The following P3H2 variants were observed in gnomAD, a reference collection of about 807,000 sequenced individuals.
The protein encoded by P3H2 is prolyl 3-hydroxylase 2, also known as leprecan-like 1.
P3H2 carries 80 observed loss-of-function variants against 87.0 expected under a neutral mutation model. That is an observed-to-expected ratio of 0.92 (90% CI 0.77 to 1.11). P3H2 has a LOEUF of 1.11. Ranked by LOEUF, P3H2 falls within the 50% of genes least tolerant of loss-of-function variation. The pLI, the probability that P3H2 is intolerant of heterozygous loss-of-function variation, is 0.00. For missense variants in P3H2, 1,001 were observed against 923.9 expected, an observed-to-expected ratio of 1.08 and a Z score of -1.08; for synonymous variants, 367 against 359.3, an observed-to-expected ratio of 1.02 and a Z score of -0.24.
Position 189,956,963 on chromosome 3 carries a change from C to T in P3H2, c.*949G>A. ...TATTCAAGAGTTTCTTCCAAAGTCA[C>T]CAGGGTGAAAAGCCATTCTACTACA... On this transcript the variant is annotated 3_prime_UTR_variant, in exon 15 of 15. Coordinates refer to ENST00000319332, the MANE Select transcript of P3H2 (RefSeq NM_018192.4). 2.5e-6 allele frequency: 1 copy of T among 396,726 alleles called. No homozygotes were observed. Among genetic ancestry groups the T allele is most frequent in the East Asian group, 3.6e-5 (1 of 28,002 alleles). 24.6% of individuals were successfully genotyped at this position (396,726 alleles called of 1,614,324 possible). A position where few individuals can be genotyped will look rare whatever the true frequency, so the allele number is the denominator to read the frequency against.
intron 3 of P3H2, among the ~76,000 whole-genome samples, chr3:189,992,239 C>A (rs530954260): frequency 6.6e-6 from 1 of 152,038 alleles, no homozygotes; most frequent in Non-Finnish European, 1.5e-5. Context: ...GGATTACAGG[C>A]ACCCACCACC....
chr3:190,097,063 G>C (rs1319172316), intron 1 of P3H2, among the ~76,000 whole-genome samples: 2 of 152,156 alleles, frequency 1.3e-5, no homozygotes, highest in Non-Finnish European at 2.9e-5. Context: ...GAATGGACAA[G>C]CCATTAAACC....
At chr3:189,975,933 A>G (rs1379174401) in intron 8 of P3H2, among the ~76,000 whole-genome samples, 3 of 152,242 alleles carry the variant, frequency 2.0e-5, no homozygotes, top group Admixed American at 2.0e-4. Context: ...TTTTACTTCT[A>G]TATATGCAAT....
At chr3:190,071,604 CAT>C (rs1726699819) in intron 1 of P3H2, among the ~76,000 whole-genome samples, 1 of 152,168 alleles carries the variant, frequency 6.6e-6, no homozygotes, top group Admixed American at 6.5e-5. Flanking sequence ...GAGGAAAGAT[CAT>C]AGTCACCAAC....
Position 190,020,203 on chromosome 3 carries a change from A to G in P3H2, c.481-24761T>C, listed in dbSNP as rs929599174. ...AGGTTTCTGGCAAAACAGAGACTGT[A>G]GGTTTCAGGAAACCTACACCAGGTA... is the stretch of plus-strand genomic sequence containing the variant. On this transcript the variant is annotated intron_variant, in intron 1 of 14. Transcript: ENST00000319332. Among the ~76,000 whole-genome samples, 7 of 134,240 alleles carry G rather than the reference A, an allele frequency of 5.2e-5. 2 individuals carry two copies. The highest frequency in any genetic ancestry group is 1.5e-4 in the African/African-American group (6 of 38,782). The allele number at this position is 134,240 out of a possible 152,430, so 88.1% of individuals were successfully genotyped here.
At chr3:190,087,719 T>C (rs1727275452) in intron 1 of P3H2, among the ~76,000 whole-genome samples, 1 of 152,096 alleles carries the variant, frequency 6.6e-6, no homozygotes, top group Non-Finnish European at 1.5e-5. Flanking sequence ...TGGGTTTTTG[T>C]TAGTTTTGTT....
chr3:190,116,741 T>A (rs1001133193), intron 1 of P3H2: 1 of 152,180 alleles, frequency 6.6e-6, no homozygotes, highest in Admixed American at 6.5e-5. Context: ...AGCTATATAT[T>A]ACGTCTTAGG....
chr3:189,982,926 G>A (rs1159499221), intron 8 of P3H2, 120 bp downstream of exon 8: 1 of 785,366 alleles, frequency 1.3e-6, no homozygotes, highest in East Asian at 2.5e-5. Flanking sequence ...GAGTGTAGTA[G>A]CTTAGTCTTA....
At chr3:190,081,136 A>G (rs1424866171) in intron 1 of P3H2, among the ~76,000 whole-genome samples, 2 of 152,240 alleles carry the variant, frequency 1.3e-5, no homozygotes, top group Non-Finnish European at 2.9e-5. Flanking sequence ...GAAATTATCA[A>G]ATAAAATTAT....
At chr3:190,077,754 T>C (rs896856963) in intron 1 of P3H2, among the ~76,000 whole-genome samples, 1 of 152,186 alleles carries the variant, frequency 6.6e-6, no homozygotes, top group African/African-American at 2.4e-5. Context: ...GGAAATGTTT[T>C]TAGACATGTA....
intron 1 of P3H2, among the ~76,000 whole-genome samples, chr3:190,044,063 C>T (rs1403796513): frequency 2.0e-5 from 3 of 152,130 alleles, no homozygotes; most frequent in Non-Finnish European, 2.9e-5. Context: ...TTATATTTTA[C>T]TTCATTTTTA....
At chr3:189,980,576 A>G (rs1417705236) in intron 8 of P3H2, among the ~76,000 whole-genome samples, 1 of 151,932 alleles carries the variant, frequency 6.6e-6, no homozygotes, top group Non-Finnish European at 1.5e-5. Flanking sequence ...AAAAAAGAAA[A>G]AGAGATATGA....
At chr3:190,095,303 CATATATAT>C (rs57074960) in intron 1 of P3H2, among the ~76,000 whole-genome samples, 4,195 of 49,242 alleles carry the variant, frequency 0.085, 103 homozygotes, top group Middle Eastern at 0.27. Flanking sequence ...TGTCTCAAAA[CATATATAT>C]ATATATATAT....
At chr3:189,972,754 T>C in intron 11 of P3H2, 120 bp downstream of exon 11, 1 of 1,121,392 alleles carries the variant, frequency 8.9e-7, no homozygotes, top group Non-Finnish European at 1.3e-6. Flanking sequence ...CTACTTTTGT[T>C]TTGGAAATCT....
chr3:189,998,033 A>G (rs1451775564), intron 1 of P3H2, among the ~76,000 whole-genome samples: 1 of 152,210 alleles, frequency 6.6e-6, no homozygotes, highest in Non-Finnish European at 1.5e-5. Flanking sequence ...GAAGGATTCA[A>G]CTGTGAAATA....
intron 1 of P3H2, among the ~76,000 whole-genome samples, chr3:190,031,615 T>C (rs2108947660): frequency 6.8e-6 from 1 of 147,266 alleles, no homozygotes; most frequent in South Asian, 2.2e-4. Flanking sequence ...CCAGCCTCTG[T>C]GAGAAAGCGA....
chr3:190,053,014 T>C (rs1338765791), intron 1 of P3H2, among the ~76,000 whole-genome samples: 1 of 152,226 alleles, frequency 6.6e-6, no homozygotes, highest in Non-Finnish European at 1.5e-5. Context: ...CAAATCTTTT[T>C]ATCTAGCTTC....
chr3:190,117,550 A>G (rs1712336465), intron 1 of P3H2, among the ~76,000 whole-genome samples: 1 of 125,080 alleles, frequency 8.0e-6, no homozygotes, highest in Non-Finnish European at 1.6e-5. Context: ...ATATCCAGTC[A>G]CATGGCAGGG....
chr3:190,011,478 G>A (rs1028445968), intron 1 of P3H2, among the ~76,000 whole-genome samples: 1 of 152,018 alleles, frequency 6.6e-6, no homozygotes, highest in South Asian at 2.1e-4. Flanking sequence ...CTTCCTTTAA[G>A]CATCTCCACT....
Sources: allele counts gnomAD v4.1 joint callset (sites outside exome capture counted in the v4.1 genomes callset), GRCh38; gene constraint gnomAD v4.1.1; transcripts MANE v1.5; gene names NCBI Gene and HGNC (gene_info 2026-07-23, HGNC 2026-07-21).